The following UBAC2 variants were observed in gnomAD, a reference collection of about 807,000 sequenced individuals.
UBAC2 encodes the protein UBA domain containing 2.
UBAC2 carries 26 observed loss-of-function variants against 44.0 expected under a neutral mutation model. That is an observed-to-expected ratio of 0.59 (90% CI 0.43 to 0.82). The LOEUF is 0.82. UBAC2 is among the 40% of genes least tolerant of loss of function. UBAC2 has a pLI of 0.00. For synonymous variants in UBAC2, 155 were observed against 154.3 expected, an observed-to-expected ratio of 1.00 and a Z score of -0.04; for missense variants, 329 against 419.4, an observed-to-expected ratio of 0.78 and a Z score of 1.88.
chr13:99,224,106 T>C (rs1179817666), intron 1 of UBAC2, among the ~76,000 whole-genome samples: 1 of 152,192 alleles, frequency 6.6e-6, no homozygotes, highest in Non-Finnish European at 1.5e-5. Context: ...GAACAGAAAT[T>C]AATTTTCTTA....
chr13:99,333,938 T>G (rs2044751223), intron 6 of UBAC2, among the ~76,000 whole-genome samples: 1 of 152,140 alleles, frequency 6.6e-6, no homozygotes, highest in Non-Finnish European at 1.5e-5. Flanking sequence ...TTTCTTAATT[T>G]ATTTAAAAAC....
chr13:99,246,775 A>G (rs766062269), intron 4 of UBAC2, among the ~76,000 whole-genome samples: 1 of 152,174 alleles, frequency 6.6e-6, no homozygotes, highest in Non-Finnish European at 1.5e-5. Context: ...AAGAGTTACA[A>G]ACTTGAATAA....
At chr13:99,382,050 T>C (rs184923496) in intron 8 of UBAC2, among the ~76,000 whole-genome samples, 1 of 152,220 alleles carries the variant, frequency 6.6e-6, no homozygotes, top group Non-Finnish European at 1.5e-5. Context: ...ATGAAGTGGG[T>C]TTGAAACTGA....
intron 1 of UBAC2, among the ~76,000 whole-genome samples, chr13:99,216,076 CTATATT>C (rs765851965): frequency 1.9e-5 from 2 of 105,122 alleles, no homozygotes; most frequent in African/African-American, 7.0e-5. Flanking sequence ...TTGTACCAAC[CTATATT>C]TGTGTGTGTG....
intron 4 of UBAC2, among the ~76,000 whole-genome samples, chr13:99,285,868 A>G (rs1385207250): frequency 6.6e-6 from 1 of 152,168 alleles, no homozygotes; most frequent in Non-Finnish European, 1.5e-5. Context: ...GGCATATGAG[A>G]TAGCCATTTT....
chr13:99,384,679 C>T (rs1231820842), intron 8 of UBAC2, among the ~76,000 whole-genome samples: 2 of 152,164 alleles, frequency 1.3e-5, no homozygotes, highest in African/African-American at 4.8e-5. Context: ...GTGGCAGTGA[C>T]GCCAGGAGTG....
At chr13:99,236,983 AAAAAT>A (rs1309178502) in intron 1 of UBAC2, among the ~76,000 whole-genome samples, 2 of 152,140 alleles carry the variant, frequency 1.3e-5, no homozygotes, top group African/African-American at 4.8e-5. Context: ...CTTAAAAAAA[AAAAAT>A]AAAACTACCA....
intron 4 of UBAC2, among the ~76,000 whole-genome samples, chr13:99,259,868 T>G (rs1310421168): frequency 2.0e-5 from 3 of 152,240 alleles, no homozygotes; most frequent in Non-Finnish European, 2.9e-5. Flanking sequence ...CATCAAGACT[T>G]GAATTCTTCA....
intron 6 of UBAC2, among the ~76,000 whole-genome samples, chr13:99,335,416 C>G (rs2044773329): frequency 6.6e-6 from 1 of 151,612 alleles, no homozygotes; most frequent in Non-Finnish European, 1.5e-5. Context: ...TGTCTCTCTT[C>G]ATTAAAAATA....
chr13:99,243,707 G>T, intron 2 of UBAC2, 125 bp from the exon 3 acceptor site: 1 of 809,694 alleles, frequency 1.2e-6, no homozygotes, highest in Non-Finnish European at 1.9e-6. Flanking sequence ...TTTTCCTTTG[G>T]TGTGTGCATT....
At chr13:99,223,542 GTTTTTTTT>G (rs145143990) in intron 1 of UBAC2, among the ~76,000 whole-genome samples, 44 of 62,450 alleles carry the variant, frequency 7.0e-4, no homozygotes, top group African/African-American at 3.4e-3. Context: ...CTCTTTTTCT[GTTTTTTTT>G]TTTTTTTTTT....
At chr13:99,375,619 G>A (rs1398007883) in intron 8 of UBAC2, among the ~76,000 whole-genome samples, 2 of 152,152 alleles carry the variant, frequency 1.3e-5, no homozygotes, top group African/African-American at 4.8e-5. Context: ...TTAGCTAAAA[G>A]GGAAGTTAAA....
Position 99,255,773 on chromosome 13 carries a change from T to C in UBAC2, c.389+11149T>C, listed in dbSNP as rs748032389. 2.5e-6 allele frequency: 4 copies of C among 1,613,940 alleles called. No individual in the cohort carries two copies. The East Asian group carries it at 8.9e-5, about 36-fold the overall frequency. ...GTGATGTTAACAAATAATCCAATTATGAAGATACAGCTATAGAAGACAAGG... is the reference window on the plus strand; with the variant it reads ...GTGATGTTAACAAATAATCCAATTACGAAGATACAGCTATAGAAGACAAGG... On this transcript the variant is annotated intron_variant, in intron 4 of 8. Coordinates refer to ENST00000403766, the MANE Select transcript of UBAC2 (RefSeq NM_001144072.2).
chr13:99,317,198 A>G (rs1382728814), intron 5 of UBAC2, among the ~76,000 whole-genome samples: 4 of 152,188 alleles, frequency 2.6e-5, no homozygotes, highest in South Asian at 2.1e-4. Flanking sequence ...TTCATCTAGC[A>G]CAATGCCAGC....
chr13:99,208,381 C>A lies in UBAC2; in HGVS notation c.31+7442C>A, dbSNP rs535785707. ...CAGGCCTTGTGACTTACCCTTTATG[C>A]TTTAATTAACTGATTCAGCAGATAC... On this transcript the variant is annotated intron_variant, in intron 1 of 8. Coordinates refer to ENST00000403766, the MANE Select transcript of UBAC2 (RefSeq NM_001144072.2). Among the ~76,000 whole-genome samples, 11 of 152,302 alleles carry A rather than the reference C, an allele frequency of 7.2e-5. No individual in the cohort carries two copies. The South Asian group carries it at 2.3e-3, about 32-fold the overall frequency.
intron 1 of UBAC2, among the ~76,000 whole-genome samples, chr13:99,211,040 A>G (rs988297434): frequency 6.6e-6 from 1 of 152,264 alleles, no homozygotes; most frequent in East Asian, 1.9e-4. Context: ...AAAGAAGGTT[A>G]AATGAAGTGT....
chr13:99,281,221 AC>A (rs1219361855), intron 4 of UBAC2, among the ~76,000 whole-genome samples: 1 of 152,002 alleles, frequency 6.6e-6, no homozygotes, highest in Non-Finnish European at 1.5e-5. Context: ...ACAAAAAAAA[AC>A]AACAGCAACA....
At chr13:99,292,873 T>C (rs1004573726) in intron 4 of UBAC2, among the ~76,000 whole-genome samples, 2 of 152,254 alleles carry the variant, frequency 1.3e-5, no homozygotes, top group African/African-American at 4.8e-5. Context: ...CAGTATGTTA[T>C]ATAATAAAGT....
chr13:99,287,853 T>C (rs960817092), intron 4 of UBAC2, among the ~76,000 whole-genome samples: 2 of 152,124 alleles, frequency 1.3e-5, no homozygotes, highest in Admixed American at 6.5e-5. Context: ...GCTCCCTTAC[T>C]GGGGAAAATA....
Sources: allele counts gnomAD v4.1 joint callset (sites outside exome capture counted in the v4.1 genomes callset), GRCh38; gene constraint gnomAD v4.1.1; transcripts MANE v1.5; gene names NCBI Gene and HGNC (gene_info 2026-07-23, HGNC 2026-07-21).